TRIM44: variants seen among roughly 807,000 people sequenced by gnomAD.
TRIM44 encodes tripartite motif-containing protein 44.
TRIM44 carries 13 observed loss-of-function variants against 37.4 expected under a neutral mutation model. That is an observed-to-expected ratio of 0.35 (90% CI 0.23 to 0.55). TRIM44 has a LOEUF of 0.55. Among genes scored for constraint, TRIM44 ranks in the 20% least tolerant of loss-of-function variants. TRIM44 has a pLI of 0.89. For missense variants in TRIM44, 426 were observed against 437.2 expected (o/e 0.97, Z 0.23); for synonymous variants, 175 against 157.2 (o/e 1.11, Z -0.85).
chr11:35,798,741 C>G (rs955700987), intron 4 of TRIM44, among the ~76,000 whole-genome samples: 1 of 152,110 alleles, frequency 6.6e-6, no homozygotes, highest in Non-Finnish European at 1.5e-5. Flanking sequence ...CATAATCTTA[C>G]AGAAATATAT....
At chr11:35,692,755 C>G (rs868114811) in intron 2 of TRIM44, among the ~76,000 whole-genome samples, 3 of 151,994 alleles carry the variant, frequency 2.0e-5, no homozygotes, top group Non-Finnish European at 2.9e-5. Flanking sequence ...AACCTCATCT[C>G]TACTAAAAAT....
chr11:35,795,485 A>C (rs1225083691), intron 4 of TRIM44, among the ~76,000 whole-genome samples: 1 of 151,916 alleles, frequency 6.6e-6, no homozygotes, highest in Non-Finnish European at 1.5e-5. Flanking sequence ...ATGCTATTGG[A>C]CTCAGTGGGA....
rs549243746 is a variant in TRIM44, at chr11:35,779,100, C to A, written c.1008-27258C>A. On this transcript the variant is annotated intron_variant, in intron 4 of 4. Transcript: ENST00000299413. ...GAGCTGCAGTGGGCTCTACCCAGTT[C>A]GAGCTTCCCAGCTGCTTTGTTTGCC... is the stretch of plus-strand genomic sequence containing the variant. Among the ~76,000 whole-genome samples the A allele has an allele frequency of 2.0e-5, 3 of 152,296 alleles. No homozygotes were observed. In the East Asian group the frequency reaches 5.8e-4, roughly 29 times the overall value.
intron 2 of TRIM44, among the ~76,000 whole-genome samples, chr11:35,703,004 CAAAG>C (rs969084211): frequency 1.3e-5 from 2 of 152,168 alleles, no homozygotes; most frequent in Non-Finnish European, 2.9e-5. Context: ...CTTTCCTAGT[CAAAG>C]AAAGGGGTGA....
At chr11:35,725,212 A>G (rs1286170069) in intron 2 of TRIM44, among the ~76,000 whole-genome samples, 1 of 152,154 alleles carries the variant, frequency 6.6e-6, no homozygotes, top group African/African-American at 2.4e-5. Context: ...TTTCCCTATG[A>G]TTCATTTATA....
At chr11:35,746,784 G>T (rs1852497301) in intron 4 of TRIM44, among the ~76,000 whole-genome samples, 1 of 152,124 alleles carries the variant, frequency 6.6e-6, no homozygotes, top group South Asian at 2.1e-4. Context: ...AACATGAATG[G>T]TTGCAGGTTC....
At chr11:35,806,264 T>C (rs1853447290) in intron 4 of TRIM44, 94 bp from the exon 5 acceptor site, 2 of 1,350,928 alleles carry the variant, frequency 1.5e-6, no homozygotes, top group Admixed American at 3.5e-5. Context: ...ATTCCAGGTA[T>C]GTCTGACATA....
intron 4 of TRIM44, among the ~76,000 whole-genome samples, chr11:35,784,535 T>C (rs1199402698): frequency 1.3e-5 from 2 of 152,216 alleles, no homozygotes; most frequent in African/African-American, 2.4e-5. Context: ...GATTACTGAC[T>C]CCATAATTTC....
chr11:35,733,213 G>A (rs1431126384), intron 3 of TRIM44, among the ~76,000 whole-genome samples: 1 of 151,984 alleles, frequency 6.6e-6, no homozygotes, highest in Non-Finnish European at 1.5e-5. Context: ...TTCACTTTTG[G>A]GATTAATGAA....
intron 1 of TRIM44, among the ~76,000 whole-genome samples, chr11:35,683,407 G>C (rs1200923296): frequency 6.6e-6 from 1 of 152,176 alleles, no homozygotes; most frequent in Non-Finnish European, 1.5e-5. Flanking sequence ...TGAGAGGCAA[G>C]AGAGGTCAGA....
chr11:35,798,790 A>G (rs541699929), intron 4 of TRIM44, among the ~76,000 whole-genome samples: 2 of 152,228 alleles, frequency 1.3e-5, no homozygotes, highest in Non-Finnish European at 2.9e-5. Context: ...CTGAGTGGAA[A>G]AAGCAGACTG....
intron 2 of TRIM44, among the ~76,000 whole-genome samples, chr11:35,699,659 A>T (rs1035027590): frequency 6.6e-6 from 1 of 151,648 alleles, no homozygotes; most frequent in Non-Finnish European, 1.5e-5. Flanking sequence ...GAGGAAGTCA[A>T]ATTGTCCCTG....
chr11:35,710,129 G>A lies in TRIM44; in HGVS notation c.748-15795G>A, dbSNP rs146594075. 1.1e-4 allele frequency among the ~76,000 whole-genome samples: 17 copies of A among 152,230 alleles called. No individual in the cohort carries two copies. In the East Asian group the frequency reaches 1.3e-3, roughly 12 times the overall value. ...CGAAGACTCAGTGATTGTTACAGGC[G>A]CATACTCCTAAATTAAGTTTTCAAT... On this transcript the variant is annotated intron_variant, in intron 2 of 4. Coordinates refer to ENST00000299413, the MANE Select transcript of TRIM44 (RefSeq NM_017583.6).
intron 4 of TRIM44, among the ~76,000 whole-genome samples, chr11:35,753,819 C>A (rs1852588773): frequency 6.6e-6 from 1 of 151,926 alleles, no homozygotes; most frequent in African/African-American, 2.4e-5. Flanking sequence ...ATCTCCGCCT[C>A]CTGGGTTCAA....
intron 4 of TRIM44, among the ~76,000 whole-genome samples, chr11:35,772,413 T>G (rs776614998): frequency 2.6e-5 from 4 of 152,178 alleles, no homozygotes; most frequent in Non-Finnish European, 1.5e-5. Flanking sequence ...GCTTGCACCA[T>G]GCACTTGGAA....
intron 4 of TRIM44, among the ~76,000 whole-genome samples, chr11:35,788,083 C>G (rs991580437): frequency 6.6e-6 from 1 of 152,140 alleles, no homozygotes; most frequent in South Asian, 2.1e-4. Context: ...TACTGCTCCC[C>G]CATGAACAGT....
At chr11:35,777,921 A>G (rs1345566882) in intron 4 of TRIM44, among the ~76,000 whole-genome samples, 1 of 152,082 alleles carries the variant, frequency 6.6e-6, no homozygotes, top group Non-Finnish European at 1.5e-5. Flanking sequence ...GGTGAGTCTG[A>G]CAATTATGTG....
chr11:35,704,358 C>T (rs966364989), intron 2 of TRIM44, among the ~76,000 whole-genome samples: 1 of 152,196 alleles, frequency 6.6e-6, no homozygotes, highest in African/African-American at 2.4e-5. Flanking sequence ...CCAGGAGAAA[C>T]TTCCCCAATC....
intron 2 of TRIM44, among the ~76,000 whole-genome samples, chr11:35,700,539 TA>T (rs1347317615): frequency 6.6e-6 from 1 of 152,250 alleles, no homozygotes; most frequent in Non-Finnish European, 1.5e-5. Flanking sequence ...TAGCAACTTT[TA>T]CTTTTGGTGC....
Sources: gnomAD v4.1 joint callset for allele counts (sites outside exome capture counted in the v4.1 genomes callset) on GRCh38, gnomAD v4.1.1 for gene constraint, MANE v1.5 for transcripts, NCBI Gene and HGNC (gene_info 2026-07-23, HGNC 2026-07-21) for gene names.